The following PTPN9 variants were observed in gnomAD, a reference collection of about 807,000 sequenced individuals.
PTPN9 encodes tyrosine-protein phosphatase non-receptor type 9.
Under a neutral mutation model 69.8 loss-of-function variants are expected in PTPN9, and 26 were observed. The ratio of observed to expected loss-of-function variants is 0.37; its 90% CI spans 0.27 to 0.52. The LOEUF (loss-of-function observed/expected upper bound fraction) is 0.52. Among genes scored for constraint, PTPN9 ranks in the 20% least tolerant of loss-of-function variants. The probability of loss-of-function intolerance (pLI) is 0.91; values close to 1 mark genes in which losing one functional copy is unlikely to be tolerated. For missense variants in PTPN9, 549 were observed against 740.3 expected, an observed-to-expected ratio of 0.74 and a Z score of 3.00; for synonymous variants, 274 against 272.5, an observed-to-expected ratio of 1.01 and a Z score of -0.05.
intron 1 of PTPN9, among the ~76,000 whole-genome samples, chr15:75,540,551 AAAAAAAAAAAAG>A (rs1420792168): frequency 1.6e-5 from 2 of 125,798 alleles, no homozygotes; most frequent in Non-Finnish European, 3.5e-5. Flanking sequence ...TCTAAAAAAA[AAAAAAAAAAAAG>A]AAAGAAAGAA....
chr15:75,530,772 T>A (rs1412025779), intron 1 of PTPN9, among the ~76,000 whole-genome samples: 2 of 77,848 alleles, frequency 2.6e-5, no homozygotes, highest in Non-Finnish European at 4.5e-5. Context: ...ATTATTATAA[T>A]TATTATAATA....
chr15:75,503,817 C>T (rs1430490779), intron 7 of PTPN9, among the ~76,000 whole-genome samples: 1 of 115,858 alleles, frequency 8.6e-6, no homozygotes, highest in South Asian at 2.9e-4. Flanking sequence ...GGGGGTCAGC[C>T]CCCCGCCCGG....
chr15:75,555,599 G>C (rs2075073524), intron 1 of PTPN9, among the ~76,000 whole-genome samples: 1 of 151,686 alleles, frequency 6.6e-6, no homozygotes, highest in Non-Finnish European at 1.5e-5. Flanking sequence ...CCACTTCCCA[G>C]GTTCAAGCAA....
At chr15:75,560,273 T>C (rs918322983) in intron 1 of PTPN9, among the ~76,000 whole-genome samples, 10 of 152,316 alleles carry the variant, frequency 6.6e-5, no homozygotes, top group Middle Eastern at 3.4e-3. Flanking sequence ...TAGAAATTAA[T>C]CTAGAAAGGT....
intron 7 of PTPN9, 122 bp from the exon 8 acceptor site, chr15:75,490,423 C>A: frequency 1.4e-6 from 1 of 691,580 alleles, no homozygotes; most frequent in East Asian, 2.5e-5. Context: ...GGAAGCTTTT[C>A]AATTTCTAGC....
At chr15:75,488,005 G>T (rs2074688201) in intron 8 of PTPN9, among the ~76,000 whole-genome samples, 1 of 152,184 alleles carries the variant, frequency 6.6e-6, no homozygotes, top group African/African-American at 2.4e-5. Context: ...TACTTTGCCG[G>T]CGCAGTGGCT....
chr15:75,503,376 G>A (rs1323731797), intron 7 of PTPN9, among the ~76,000 whole-genome samples: 1 of 143,996 alleles, frequency 6.9e-6, no homozygotes, highest in Non-Finnish European at 1.5e-5. Flanking sequence ...CCCCGTCTGA[G>A]AAGTGAGGAG....
chr15:75,544,543 CAACA>C (rs2075023439), intron 1 of PTPN9, among the ~76,000 whole-genome samples: 1 of 151,920 alleles, frequency 6.6e-6, no homozygotes, highest in South Asian at 2.1e-4. Flanking sequence ...AGCAAAACAA[CAACA>C]AACAAACAAA....
rs746573225 is a variant in PTPN9 at position 75,535,098 on chromosome 15, G to A, written c.64-7837C>T. Among the ~76,000 whole-genome samples, 241 of 151,516 alleles carry A rather than the reference G, an allele frequency of 1.6e-3. 1 individual carries two copies. Among genetic ancestry groups the A allele is most frequent in the Non-Finnish European group, 2.7e-3 (181 of 67,876 alleles). ...TGCAAGCTCCGTCTCCTGGGTTCAC[G>A]CCATTCTCCTGCCTCAGCCTCCTGA... On this transcript the variant is annotated intron_variant, in intron 1 of 12. Coordinates refer to ENST00000618819, the MANE Select transcript of PTPN9 (RefSeq NM_002833.4).
intron 8 of PTPN9, among the ~76,000 whole-genome samples, chr15:75,485,312 TA>T (rs2074667841): frequency 6.7e-6 from 1 of 148,670 alleles, no homozygotes; most frequent in African/African-American, 2.5e-5. Flanking sequence ...AGTAAGAACA[TA>T]AGGAGGAACT....
intron 7 of PTPN9, among the ~76,000 whole-genome samples, chr15:75,495,808 G>A (rs2074737673): frequency 6.6e-6 from 1 of 152,076 alleles, no homozygotes; most frequent in Non-Finnish European, 1.5e-5. Flanking sequence ...GAAAAAATCT[G>A]GTAATTAACT....
intron 8 of PTPN9, among the ~76,000 whole-genome samples, chr15:75,488,975 A>C (rs541500846): frequency 3.9e-5 from 6 of 152,056 alleles, no homozygotes; most frequent in African/African-American, 1.4e-4. Flanking sequence ...GGAGATCGAG[A>C]CCATCCTGGC....
At chr15:75,521,369 A>G (rs368156363) in intron 4 of PTPN9, among the ~76,000 whole-genome samples, 2 of 151,448 alleles carry the variant, frequency 1.3e-5, no homozygotes, top group Non-Finnish European at 2.9e-5. Flanking sequence ...GGAGAATGGC[A>G]CGAACCCGGG....
In PTPN9 at chr15:75,517,349, C is replaced by T; in HGVS notation, c.438G>A (p.Arg146=). Residue 146 remains arginine, a synonymous_variant, in exon 5 of 13, where the codon AGG becomes AGA. Transcript: ENST00000618819. ...TGTCATAGATAAACACCAGTCCATT[C>T]CTCTGAGTTTCAAAGCTGTAAATCA... The part of the protein sequence containing the change: ...DRAVDSFETQ[R]NGLVFIYDMC... The T allele has an allele frequency of 6.2e-7, 1 of 1,612,588 alleles. No homozygotes were observed.
At chr15:75,534,134 C>T (rs1030416068) in intron 1 of PTPN9, among the ~76,000 whole-genome samples, 2 of 152,166 alleles carry the variant, frequency 1.3e-5, no homozygotes, top group African/African-American at 4.8e-5. Flanking sequence ...CCTCTCTGAG[C>T]CACAATTTCC....
chr15:75,510,219 GT>G (rs370619762), intron 5 of PTPN9, among the ~76,000 whole-genome samples: 1 of 152,006 alleles, frequency 6.6e-6, no homozygotes, highest in Non-Finnish European at 1.5e-5. Flanking sequence ...ACAGTGCTTA[GT>G]TTTTTTGTTT....
chr15:75,574,437 C>A (rs1255385800), intron 1 of PTPN9, among the ~76,000 whole-genome samples: 1 of 151,998 alleles, frequency 6.6e-6, no homozygotes, highest in Admixed American at 6.6e-5. Flanking sequence ...AGGTGGGAAA[C>A]AAAAGTCCTG....
chr15:75,558,914 C>T (rs965852331), intron 1 of PTPN9, among the ~76,000 whole-genome samples: 32 of 152,290 alleles, frequency 2.1e-4, no homozygotes, highest in Admixed American at 4.6e-4. Flanking sequence ...CTTGGCCTCC[C>T]AAAGTGCCGA....
At chr15:75,502,034 G>A (rs1377460586) in intron 7 of PTPN9, among the ~76,000 whole-genome samples, 1 of 151,982 alleles carries the variant, frequency 6.6e-6, no homozygotes, top group Non-Finnish European at 1.5e-5. Flanking sequence ...GCACATACCT[G>A]TAGTCCCAGC....
Sources: gnomAD v4.1 joint callset for allele counts (sites outside exome capture counted in the v4.1 genomes callset) on GRCh38, gnomAD v4.1.1 for gene constraint, MANE v1.5 for transcripts, NCBI Gene and HGNC (gene_info 2026-07-23, HGNC 2026-07-21) for gene names.